Variants in CACNA1E observed in about 807,000 individuals in gnomAD.
CACNA1E encodes calcium voltage-gated channel subunit alpha1 E, also known as voltage-dependent R-type calcium channel subunit alpha-1E.
In CACNA1E, 40 loss-of-function variants were observed where a neutral mutation model predicts 259.2. The observed-to-expected ratio is 0.15, with a 90% confidence interval of 0.12 to 0.20. The LOEUF (loss-of-function observed/expected upper bound fraction) is 0.20. CACNA1E is among the 10% of genes least tolerant of loss of function. The probability of loss-of-function intolerance (pLI) is 1.00; values close to 1 mark genes in which losing one functional copy is unlikely to be tolerated. For missense variants in CACNA1E, 1,874 were observed against 3,040.1 expected (o/e 0.62, Z 9.02); for synonymous variants, 1,104 against 1,138.5 (o/e 0.97, Z 0.61).
At chr1:181,465,143 T>A (rs1387518468) in intron 2 of CACNA1E, among the ~76,000 whole-genome samples, 2 of 152,126 alleles carry the variant, frequency 1.3e-5, no homozygotes, top group East Asian at 3.8e-4. Flanking sequence ...CAACACTTGA[T>A]GATATTATTC....
intron 1 of CACNA1E, among the ~76,000 whole-genome samples, chr1:181,382,896 A>G (rs1488646492): frequency 1.3e-5 from 2 of 152,116 alleles, no homozygotes; most frequent in Non-Finnish European, 2.9e-5. Flanking sequence ...ACTCATGCAG[A>G]AGGGGCGGAG....
At chr1:181,382,863 T>C (rs1475008217) in intron 1 of CACNA1E, among the ~76,000 whole-genome samples, 2 of 152,028 alleles carry the variant, frequency 1.3e-5, no homozygotes, top group Non-Finnish European at 2.9e-5. Context: ...CAGGGAATGG[T>C]GGTTCCTGTG....
intron 1 of CACNA1E, among the ~76,000 whole-genome samples, chr1:181,491,418 G>A (rs1664303586): frequency 6.6e-6 from 1 of 152,202 alleles, no homozygotes; most frequent in African/African-American, 2.4e-5. Flanking sequence ...GAGAATTTTT[G>A]TTGGTCACAA....
At position 181,569,426 on chromosome 1, in the gene CACNA1E, C is replaced by T. The variant is rs55959703; in HGVS notation, c.513-8340C>T. Among the ~76,000 whole-genome samples the T allele has an allele frequency of 5.4e-3, 820 of 150,676 alleles. 5 individuals carry two copies. Among genetic ancestry groups the T allele is most frequent in the African/African-American group, 0.02 (790 of 40,394 alleles). ...TCGTCCTCTTCCCTCAGATATATTT[C>T]CTTGGTCAAGTTGATTTTCTTTGGC... is the stretch of plus-strand genomic sequence containing the variant. On this transcript the variant is annotated intron_variant, in intron 3 of 47. Coordinates refer to ENST00000367573, the MANE Select transcript of CACNA1E (RefSeq NM_001205293.3).
At chr1:181,564,045 CT>C (rs1159775053) in intron 3 of CACNA1E, among the ~76,000 whole-genome samples, 3 of 152,156 alleles carry the variant, frequency 2.0e-5, no homozygotes, top group Non-Finnish European at 4.4e-5. Flanking sequence ...CTTTTTGCTC[CT>C]GGTAGATCTT....
chr1:181,646,518 C>T (rs1658279615), intron 6 of CACNA1E, among the ~76,000 whole-genome samples: 1 of 152,168 alleles, frequency 6.6e-6, no homozygotes, highest in Non-Finnish European at 1.5e-5. Flanking sequence ...ACTCCCAGCC[C>T]CAACACACTC....
intron 1 of CACNA1E, among the ~76,000 whole-genome samples, chr1:181,320,064 C>T (rs1457001935): frequency 6.6e-6 from 1 of 152,036 alleles, no homozygotes; most frequent in African/African-American, 2.4e-5. Context: ...TCTGGGACTC[C>T]CAGGAGGCTG....
At position 181,708,002 on chromosome 1, in the gene CACNA1E, C is replaced by A. The variant is rs1652961875; in HGVS notation, c.1056-2952C>A. ...AGGTTGGGGTGCAGTGATGGTGGGA[C>A]CCAAAGAGAAGAGGCAACATTTCAG... is the stretch of plus-strand genomic sequence containing the variant. On this transcript the variant is annotated intron_variant, in intron 7 of 47. Transcript: ENST00000367573. 2.0e-5 allele frequency among the ~76,000 whole-genome samples: 3 copies of A among 152,156 alleles called. No individual in the cohort carries two copies. In the South Asian group the frequency reaches 6.2e-4, roughly 32 times the overall value.
In CACNA1E at chr1:181,776,012, C is replaced by A; in HGVS notation, c.5140-89C>A. 7.8e-7 allele frequency: 1 copy of A among 1,277,458 alleles called. No homozygotes were observed. The highest frequency in any genetic ancestry group is 1.1e-6 in the Non-Finnish European group (1 of 907,892). The allele number at this position is 1,277,458 out of a possible 1,614,324, so 79.1% of individuals were successfully genotyped here. On this transcript the variant is annotated intron_variant, in intron 37 of 47. Coordinates refer to ENST00000367573, the MANE Select transcript of CACNA1E (RefSeq NM_001205293.3). This position sits in a 1 kb window ranked among gnomAD's most constrained non-coding sequence, Gnocchi z 4.4. Reference sequence around the variant, plus strand: ...CTGTTCTGGCTCGTTTGCTAAAACACCCTCCTCCATGCCCTGAAGCCTGTT... The same window carrying A: ...CTGTTCTGGCTCGTTTGCTAAAACAACCTCCTCCATGCCCTGAAGCCTGTT...
intron 6 of CACNA1E, among the ~76,000 whole-genome samples, chr1:181,631,587 G>A (rs1208711035): frequency 6.6e-6 from 1 of 152,150 alleles, no homozygotes; most frequent in Non-Finnish European, 1.5e-5. Flanking sequence ...TTCCCAGAAG[G>A]AGAGGGCGTT....
intron 2 of CACNA1E, among the ~76,000 whole-genome samples, chr1:181,429,291 G>T (rs1659540468): frequency 6.6e-6 from 1 of 152,204 alleles, no homozygotes; most frequent in African/African-American, 2.4e-5. Flanking sequence ...TGGATTAGAG[G>T]TGGTCCTTAT....
chr1:181,676,325 A>G (rs896387876), intron 7 of CACNA1E, among the ~76,000 whole-genome samples: 2 of 152,154 alleles, frequency 1.3e-5, no homozygotes, highest in South Asian at 4.1e-4. Flanking sequence ...TCCTGGTTCA[A>G]GTCGTGTTCA....
chr1:181,721,703 C>T, intron 15 of CACNA1E, 55 bp from the exon 16 acceptor site: 2 of 1,147,628 alleles, frequency 1.7e-6, no homozygotes, highest in Non-Finnish European at 2.6e-6. Flanking sequence ...TGGCATTGGC[C>T]CCATTTTCTC....
intron 1 of CACNA1E, among the ~76,000 whole-genome samples, chr1:181,356,846 T>C (rs1557938470): frequency 1.3e-5 from 2 of 151,982 alleles, no homozygotes. Flanking sequence ...CTCCCCACTC[T>C]CCTGAGCCCT....
intron 6 of CACNA1E, among the ~76,000 whole-genome samples, chr1:181,648,554 C>A (rs1658489489): frequency 6.6e-6 from 1 of 152,164 alleles, no homozygotes. Context: ...TGTGGATCTT[C>A]TCACGGGCTC....
chr1:181,483,464 C>G, upstream of CACNA1E: 1 of 315,658 alleles, frequency 3.2e-6, no homozygotes, highest in Non-Finnish European at 5.8e-6. Flanking sequence ...AAACTGGGCA[C>G]CCCCAAGCCC....
chr1:181,426,283 T>C (rs2102220552), intron 2 of CACNA1E, among the ~76,000 whole-genome samples: 1 of 151,810 alleles, frequency 6.6e-6, no homozygotes, highest in Middle Eastern at 3.4e-3. Context: ...TTTCAGCCAC[T>C]ATCCGTCTCA....
chr1:181,580,640 G>A lies in CACNA1E; in HGVS notation c.815G>A (p.Gly272Asp). ...FDPPHPCGVQ[G>D]CPAGYECKDW... The stretch of plus-strand genomic sequence containing the variant: ...CCCCCTCACCCATGTGGTGTGCAGG[G>A]CTGCCCAGCTGGTTATGAATGCAAG... Residue 272 changes from glycine (G) to aspartate (D), a missense_variant, in exon 6 of 48, where the codon GGC (glycine) becomes GAC (aspartate). Physicochemically the swap from Gly to Asp is moderately conservative, Grantham distance 94 (BLOSUM62 -1). Coordinates refer to ENST00000367573, the MANE Select transcript of CACNA1E (RefSeq NM_001205293.3). 6.2e-7 allele frequency: 1 copy of A among 1,614,060 alleles called. No homozygotes were observed. The highest frequency in any genetic ancestry group is 8.5e-7 in the Non-Finnish European group (1 of 1,179,882).
rs1307844125 is a variant in CACNA1E at position 181,511,513 on chromosome 1, A to T, written c.512+3A>T. 4 of 1,613,432 alleles carry T rather than the reference A, an allele frequency of 2.5e-6. No individual in the cohort carries two copies. Among genetic ancestry groups the T allele is most frequent in the Non-Finnish European group, 3.4e-6 (4 of 1,179,820 alleles). The stretch of plus-strand genomic sequence containing the variant: ...GACTTCATCGTGGTCCTCAGTGGGT[A>T]AGTCCATTTTCTCTCTCTGTCTGTG... On this transcript the variant is annotated splice_donor_region_variant and intron_variant, in intron 3 of 47. Coordinates refer to ENST00000367573, the MANE Select transcript of CACNA1E (RefSeq NM_001205293.3).
Sources: allele counts gnomAD v4.1 joint callset (sites outside exome capture counted in the v4.1 genomes callset), GRCh38; gene constraint gnomAD v4.1.1; non-coding constraint Gnocchi (gnomAD v3.1); transcripts MANE v1.5; gene names NCBI Gene and HGNC (gene_info 2026-07-23, HGNC 2026-07-21).